NFIB: variants seen among roughly 807,000 people sequenced by gnomAD.
The protein encoded by NFIB is nuclear factor 1 B-type.
NFIB carries 11 observed loss-of-function variants against 61.5 expected under a neutral mutation model. That is an observed-to-expected ratio of 0.18 (90% CI 0.11 to 0.30). The LOEUF (loss-of-function observed/expected upper bound fraction) is 0.30. Ranked by LOEUF, NFIB falls within the 10% of genes least tolerant of loss-of-function variation. NFIB has a pLI of 1.00. For synonymous variants in NFIB, 260 were observed against 216.5 expected, an observed-to-expected ratio of 1.20 and a Z score of -1.76; for missense variants, 471 against 608.9, an observed-to-expected ratio of 0.77 and a Z score of 2.38.
intron 2 of NFIB, among the ~76,000 whole-genome samples, chr9:14,269,401 C>A (rs2057438985): frequency 6.6e-6 from 1 of 152,126 alleles, no homozygotes; most frequent in Non-Finnish European, 1.5e-5. Flanking sequence ...CGTGTCATTT[C>A]TTCAATACTT....
chr9:14,087,587 T>G lies in NFIB; in HGVS notation c.*722A>C, dbSNP rs1326162029. 4.4e-6 allele frequency: 1 copy of G among 226,918 alleles called. No homozygotes were observed. Among genetic ancestry groups the G allele is most frequent in the Non-Finnish European group, 8.8e-6 (1 of 113,946 alleles). The allele number at this position is 226,918 out of a possible 1,614,324, so 14.1% of individuals were successfully genotyped here. ...TCCTTTTTTCTTTTTTTCCTTTTTT[T>G]TTCATTTTTTCTTTTTTTAAGATTT... On this transcript the variant is annotated 3_prime_UTR_variant, in exon 11 of 11. Transcript: ENST00000380953.
the NFIB span, among the ~76,000 whole-genome samples, chr9:14,516,068 G>T: frequency 1.3e-5 from 2 of 152,230 alleles, no homozygotes; most frequent in African/African-American, 4.8e-5. Context: ...CAGGAAGCCA[G>T]CGCTGAATTT....
At chr9:14,164,782 G>C (rs1329107219) in intron 3 of NFIB, among the ~76,000 whole-genome samples, 1 of 152,058 alleles carries the variant, frequency 6.6e-6, no homozygotes, top group Non-Finnish European at 1.5e-5. Flanking sequence ...CTGAACACTG[G>C]AACCATCTGG....
chr9:14,260,059 A>G (rs920533850), intron 2 of NFIB, among the ~76,000 whole-genome samples: 1 of 152,178 alleles, frequency 6.6e-6, no homozygotes, highest in Non-Finnish European at 1.5e-5. Flanking sequence ...TGGAGGAAGC[A>G]CTTTTATTAA....
chr9:14,108,955 G>T (rs1249057159), intron 10 of NFIB, among the ~76,000 whole-genome samples: 1 of 151,958 alleles, frequency 6.6e-6, no homozygotes, highest in African/African-American at 2.4e-5. Context: ...CTTACAATGA[G>T]ATTTTTAAAT....
chr9:14,240,891 A>G (rs1048820179), intron 2 of NFIB, among the ~76,000 whole-genome samples: 1 of 152,206 alleles, frequency 6.6e-6, no homozygotes, highest in African/African-American at 2.4e-5. Context: ...TAGCATTGGC[A>G]AGTGACAGCG....
intron 2 of NFIB, among the ~76,000 whole-genome samples, chr9:14,216,258 T>C (rs2050844210): frequency 1.3e-5 from 2 of 152,148 alleles, no homozygotes; most frequent in African/African-American, 4.8e-5. Context: ...GATAATCATG[T>C]GCAAAGAAAT....
chr9:14,216,694 C>A (rs2050964156), intron 2 of NFIB, among the ~76,000 whole-genome samples: 1 of 152,048 alleles, frequency 6.6e-6, no homozygotes, highest in African/African-American at 2.4e-5. Context: ...ACCACAGTCA[C>A]CATACCCAGG....
At chr9:14,291,539 C>T (rs1410499755) in intron 2 of NFIB, among the ~76,000 whole-genome samples, 1 of 151,960 alleles carries the variant, frequency 6.6e-6, no homozygotes, top group Non-Finnish European at 1.5e-5. Context: ...TTAAATTCCC[C>T]TTGTAAATTT....
At chr9:14,464,649 A>C in the NFIB span, among the ~76,000 whole-genome samples, 3 of 152,110 alleles carry the variant, frequency 2.0e-5, no homozygotes, top group African/African-American at 7.2e-5. Context: ...CACAAGAATG[A>C]TGCCAGGATG....
intron 1 of NFIB, among the ~76,000 whole-genome samples, chr9:14,363,395 A>G (rs531863513): frequency 2.0e-5 from 3 of 152,212 alleles, no homozygotes; most frequent in African/African-American, 7.2e-5. Flanking sequence ...GAATCTAGAG[A>G]CCAGACAAGT....
chr9:14,387,157 G>A (rs2061558929), intron 1 of NFIB, among the ~76,000 whole-genome samples: 1 of 152,164 alleles, frequency 6.6e-6, no homozygotes, highest in Non-Finnish European at 1.5e-5. Flanking sequence ...GTTTAATCAG[G>A]TAATTAAGTA....
chr9:14,369,624 A>G (rs1448441188), intron 1 of NFIB, among the ~76,000 whole-genome samples: 1 of 152,154 alleles, frequency 6.6e-6, no homozygotes, highest in Non-Finnish European at 1.5e-5. Flanking sequence ...GTCTTGATAG[A>G]TGGCATTTCC....
At chr9:14,476,138 C>A in the NFIB span, among the ~76,000 whole-genome samples, 23 of 152,046 alleles carry the variant, frequency 1.5e-4, no homozygotes, top group Admixed American at 1.0e-3. Context: ...TCTAACTCTA[C>A]TCCCTAAACC....
intron 2 of NFIB, among the ~76,000 whole-genome samples, chr9:14,293,591 A>G (rs1251283100): frequency 1.3e-5 from 2 of 152,236 alleles, no homozygotes; most frequent in South Asian, 2.1e-4. Flanking sequence ...CTTTCTGAAC[A>G]TAAGTGCGGA....
At chr9:14,165,913 G>T (rs1406749266) in intron 3 of NFIB, among the ~76,000 whole-genome samples, 2 of 152,120 alleles carry the variant, frequency 1.3e-5, no homozygotes, top group African/African-American at 4.8e-5. Flanking sequence ...AAGATGAAAA[G>T]TTTCTGGAGG....
At chr9:14,433,039 G>C in the NFIB span, among the ~76,000 whole-genome samples, 40 of 152,248 alleles carry the variant, frequency 2.6e-4, no homozygotes, top group African/African-American at 9.4e-4. Flanking sequence ...CTGTGAGACA[G>C]GGGTTAGGGG....
chr9:14,275,549 C>A (rs1225498612), intron 2 of NFIB, among the ~76,000 whole-genome samples: 1 of 152,084 alleles, frequency 6.6e-6, no homozygotes, highest in Non-Finnish European at 1.5e-5. Flanking sequence ...AAGCAGTATC[C>A]TTGAAGAATG....
chr9:14,115,081 G>A (rs777492739), intron 9 of NFIB, among the ~76,000 whole-genome samples: 6 of 152,020 alleles, frequency 3.9e-5, no homozygotes, highest in Non-Finnish European at 8.8e-5. Flanking sequence ...ATTAATTGAC[G>A]GGGCTCATGA....
Sources: gnomAD v4.1 joint callset for allele counts (sites outside exome capture counted in the v4.1 genomes callset) on GRCh38, gnomAD v4.1.1 for gene constraint, MANE v1.5 for transcripts, NCBI Gene and HGNC (gene_info 2026-07-23, HGNC 2026-07-21) for gene names.